R3HDML: variants seen among roughly 807,000 people sequenced by gnomAD.
The protein encoded by R3HDML is R3H domain containing like, also known as peptidase inhibitor R3HDML.
In R3HDML, 21 loss-of-function variants were observed where a neutral mutation model predicts 24.2. That is an observed-to-expected ratio of 0.87 (90% confidence interval 0.62 to 1.25). The LOEUF (loss-of-function observed/expected upper bound fraction) is 1.25. R3HDML is among the 50% of genes most tolerant of loss of function. R3HDML has a pLI of 0.00. For missense variants in R3HDML, 301 were observed against 340.3 expected, an observed-to-expected ratio of 0.88 and a Z score of 0.91; for synonymous variants, 133 against 131.5, an observed-to-expected ratio of 1.01 and a Z score of -0.08.
chr20:44,340,427 C>T (rs768398257), intron 1 of R3HDML, among the ~76,000 whole-genome samples: 5 of 152,146 alleles, frequency 3.3e-5, no homozygotes, highest in African/African-American at 7.2e-5. Context: ...CATATTTTCA[C>T]GATTTAAAAA....
intron 2 of R3HDML, among the ~76,000 whole-genome samples, chr20:44,343,068 C>A (rs2062776243): frequency 1.3e-5 from 2 of 152,218 alleles, no homozygotes; most frequent in South Asian, 4.1e-4. Flanking sequence ...CCTAGGAGAT[C>A]ATCCGAGGAG....
At chr20:44,348,512 T>TTCCTTTCCTTTCCTTTCCTTTCCTC (rs2062797211) in intron 4 of R3HDML, among the ~76,000 whole-genome samples, 1 of 128,728 alleles carries the variant, frequency 7.8e-6, no homozygotes, top group African/African-American at 2.9e-5. Context: ...TTCCTTTCCT[T>TTCCTTTCCTTTCCTTTCCTTTCCTC]TCCTTTCTTT....
At chr20:44,341,098 TG>T in intron 1 of R3HDML, 97 bp from the exon 2 acceptor site, 2 of 973,514 alleles carry the variant, frequency 2.1e-6, no homozygotes, top group South Asian at 1.5e-5. Flanking sequence ...TCCAGGGAGA[TG>T]GGGTAGAAAC....
rs2062809485 is a variant in R3HDML, at chr20:44,350,876, T to C, written c.*84T>C. 6 of 1,520,380 alleles carry C rather than the reference T, an allele frequency of 3.9e-6. No homozygotes were observed. The South Asian group carries it at 7.1e-5, about 18-fold the overall frequency. The allele number at this position is 1,520,380 out of a possible 1,614,324, so 94.2% of individuals were successfully genotyped here. ...AAAAAACTGGGTGGAGAAATAATTG[T>C]TTCTTTAAAGGATATGAGTTAGAAT... is the stretch of plus-strand genomic sequence containing the variant. On this transcript the variant is annotated 3_prime_UTR_variant, in exon 5 of 5. Transcript: ENST00000217043.
Position 44,337,179 on chromosome 20 carries a change from G to A in R3HDML, c.22G>A (p.Val8Met), listed in dbSNP as rs375615013. MPLLPST[V>M]GLAGLLFWAG... ...AGCTATGCCCCTGCTGCCCAGCACC[G>A]TGGGCCTGGCAGGCCTGCTCTTCTG... Residue 8 changes from valine (V) to methionine (M), a missense_variant, in exon 1 of 5, where the codon GTG (valine) becomes ATG (methionine). Coordinates refer to ENST00000217043, the MANE Select transcript of R3HDML (RefSeq NM_178491.4). The surrounding 1 kb of genome is among the most constrained non-coding windows in gnomAD (Gnocchi z 4.7). 48 of 1,613,212 alleles carry A rather than the reference G, an allele frequency of 3.0e-5. No individual in the cohort carries two copies. Among genetic ancestry groups the A allele is most frequent in the African/African-American group, 2.4e-4 (18 of 74,942 alleles).
intron 2 of R3HDML, 80 bp from the exon 3 acceptor site, chr20:44,343,297 C>A: frequency 6.5e-7 from 1 of 1,543,940 alleles, no homozygotes; most frequent in African/African-American, 1.4e-5. Flanking sequence ...AAGTGATCAC[C>A]CAAGGTCACC....
intron 1 of R3HDML, among the ~76,000 whole-genome samples, chr20:44,339,100 C>A (rs930586521): frequency 1.2e-4 from 18 of 151,212 alleles, no homozygotes; most frequent in Admixed American, 1.2e-3. Flanking sequence ...GGCCAGACAA[C>A]CCTGGTAGAT....
At chr20:44,348,679 T>C (rs2062798390) in intron 4 of R3HDML, among the ~76,000 whole-genome samples, 1 of 151,984 alleles carries the variant, frequency 6.6e-6, no homozygotes, top group Non-Finnish European at 1.5e-5. Context: ...GTTTTGTTTT[T>C]TGTTTTTGTT....
At chr20:44,347,639 A>G (rs897869388) in intron 4 of R3HDML, 8 of 152,116 alleles carry the variant, frequency 5.3e-5, no homozygotes, top group African/African-American at 1.9e-4. Flanking sequence ...AAAAGGGGGG[A>G]ACCCTAGGAG....
chr20:44,345,214 G>T (rs757683545), intron 3 of R3HDML, 49 bp from the exon 4 acceptor site: 2 of 1,461,492 alleles, frequency 1.4e-6, no homozygotes, highest in Admixed American at 3.3e-5. Context: ...GGGAGCCTGG[G>T]TCCCACTGAG....
intron 1 of R3HDML, among the ~76,000 whole-genome samples, chr20:44,339,915 A>G (rs1600598579): frequency 1.3e-5 from 2 of 151,930 alleles, no homozygotes; most frequent in South Asian, 4.2e-4. Flanking sequence ...AGTAGCTGGG[A>G]CCACAGGTAC....
chr20:44,342,673 C>T (rs555479912), intron 2 of R3HDML, among the ~76,000 whole-genome samples: 30 of 152,012 alleles, frequency 2.0e-4, no homozygotes, highest in Middle Eastern at 3.4e-3. Context: ...CCTCAGAGGC[C>T]GGGTGCGGTG....
chr20:44,348,711 G>A (rs1224041289), intron 4 of R3HDML, among the ~76,000 whole-genome samples: 1 of 151,622 alleles, frequency 6.6e-6, no homozygotes, highest in African/African-American at 2.4e-5. Flanking sequence ...CGGGGGTCTC[G>A]CCATGTTGCC....
At chr20:44,339,183 C>T (rs1214753402) in intron 1 of R3HDML, among the ~76,000 whole-genome samples, 1 of 152,020 alleles carries the variant, frequency 6.6e-6, no homozygotes, top group African/African-American at 2.4e-5. Flanking sequence ...GGCTGTCCAA[C>T]TCGACAGCCT....
At chr20:44,345,080 A>G (rs2062782612) in intron 3 of R3HDML, 183 bp from the exon 4 acceptor site, 1 of 597,686 alleles carries the variant, frequency 1.7e-6, no homozygotes. Flanking sequence ...TGGTTGTAAT[A>G]AAAAGAAAAC....
In R3HDML at chr20:44,337,818, C is replaced by T. The variant is rs555624972; in HGVS notation, c.261+400C>T. On this transcript the variant is annotated intron_variant, in intron 1 of 4. Coordinates refer to ENST00000217043, the MANE Select transcript of R3HDML (RefSeq NM_178491.4). This position sits in a 1 kb window ranked among gnomAD's most constrained non-coding sequence, Gnocchi z 4.7. ...ATCACAACTGTAACCATCACAATCCCCTACCCAAGAATTTTGGCTCCCCAC... is the reference window on the plus strand; with the variant it reads ...ATCACAACTGTAACCATCACAATCCTCTACCCAAGAATTTTGGCTCCCCAC... Among the ~76,000 whole-genome samples the T allele has an allele frequency of 6.6e-5, 10 of 152,326 alleles. No homozygotes were observed. In the South Asian group the frequency reaches 1.9e-3, roughly 28 times the overall value.
chr20:44,348,556 G>GC (rs2062797727), intron 4 of R3HDML, among the ~76,000 whole-genome samples: 1 of 144,594 alleles, frequency 6.9e-6, no homozygotes, highest in East Asian at 1.9e-4. Context: ...AGGCTGGAGT[G>GC]CAGTGGCAGA....
At chr20:44,347,032 C>G (rs2062789103) in intron 4 of R3HDML, among the ~76,000 whole-genome samples, 1 of 152,074 alleles carries the variant, frequency 6.6e-6, no homozygotes. Context: ...ATCCCAGCTA[C>G]TTGGGAGGCT....
intron 2 of R3HDML, 50 bp from the exon 3 acceptor site, chr20:44,343,327 C>T (rs144444353): frequency 4.8e-5 from 76 of 1,596,192 alleles, no homozygotes; most frequent in Admixed American, 1.3e-4. Flanking sequence ...GCGGCCGAGC[C>T]ACTTTTCCAT....
Sources: gnomAD v4.1 joint callset for allele counts (sites outside exome capture counted in the v4.1 genomes callset) on GRCh38, gnomAD v4.1.1 for gene constraint, Gnocchi (gnomAD v3.1) non-coding constraint, MANE v1.5 for transcripts, NCBI Gene and HGNC (gene_info 2026-07-23, HGNC 2026-07-21) for gene names.